The following RPS18 variants were observed in gnomAD, a reference collection of about 807,000 sequenced individuals.
The protein encoded by RPS18 is ribosomal protein S18, also known as small ribosomal subunit protein uS13.
For synonymous variants in RPS18, 64 were observed against 70.9 expected (o/e 0.90, Z 0.49); for missense variants, 49 against 200.8 (o/e 0.24, Z 4.57).
intron 2 of RPS18, chr6:33,275,530 C>T (rs902954642): frequency 2.1e-6 from 1 of 472,930 alleles, no homozygotes; most frequent in Non-Finnish European, 3.8e-6. Context: ...GTTGGCCAGG[C>T]TGGTTTTGAA....
chr6:33,276,321 C>T, intron 5 of RPS18, 54 bp downstream of exon 5: 5 of 1,603,394 alleles, frequency 3.1e-6, no homozygotes, highest in South Asian at 1.1e-5. Context: ...TCCTCCTACT[C>T]GCTCTTCTTT....
In RPS18 at chr6:33,275,815, G is replaced by T. The variant is rs573100608; in HGVS notation, c.121G>T (p.Ala41Ser). 47 of 1,612,104 alleles carry T rather than the reference G, an allele frequency of 2.9e-5. No homozygotes were observed. The Admixed American group carries it at 4.5e-4, about 15-fold the overall frequency. The change falls in exon 3 of 6, where the codon GCT becomes TCT. Residue 41 changes from alanine (A) to serine (S), a missense_variant. Physicochemically the swap from Ala to Ser is moderately conservative, Grantham distance 99 (BLOSUM62 1). Transcript: ENST00000439602. ...CATTCAGGGTGTGGGCCGAAGATAT[G>T]CTCATGTGGTGTTGAGGAAAGCAGA... ...TAIKGVGRRY[A>S]HVVLRKADID...
At chr6:33,275,942 T>G in intron 3 of RPS18, 23 bp from the exon 4 acceptor site, 4 of 1,611,138 alleles carry the variant, frequency 2.5e-6, no homozygotes, top group Non-Finnish European at 1.7e-6. Context: ...TCCATCTAGA[T>G]CTGACCTTGG....
chr6:33,272,118 C>G lies in RPS18; in HGVS notation c.-2C>G, dbSNP rs777306073. The G allele has an allele frequency of 3.8e-6, 6 of 1,567,944 alleles. No homozygotes were observed. The African/African-American group carries it at 5.4e-5, about 14-fold the overall frequency. ...CTACACGCCGCCGCTTGTGCTGCAG[C>G]CATGGTAAGACTGGAATCCGTGCCG... is the stretch of plus-strand genomic sequence containing the variant. On this transcript the variant is annotated 5_prime_UTR_variant, in exon 1 of 6. Coordinates refer to ENST00000439602, the MANE Select transcript of RPS18 (RefSeq NM_022551.3).
At position 33,274,553 on chromosome 6, in the gene RPS18, TC is replaced by T. The variant is rs570724545; in HGVS notation, c.103-1243del. 1.3e-4 allele frequency among the ~76,000 whole-genome samples: 20 copies of T among 152,354 alleles called. No homozygotes were observed. The South Asian group carries it at 2.5e-3, about 19-fold the overall frequency. ...TTTCCTGGAGCCTACTGTAACAAGT[TC>T]ATATAAACTAAGCAGAAAATTACTC... On this transcript the variant is annotated intron_variant, in intron 2 of 5. Coordinates refer to ENST00000439602, the MANE Select transcript of RPS18 (RefSeq NM_022551.3).
At chr6:33,275,212 A>G (rs1370641788) in intron 2 of RPS18, 4 of 154,616 alleles carry the variant, frequency 2.6e-5, no homozygotes, top group Non-Finnish European at 5.8e-5. Flanking sequence ...ACTTAGTGAC[A>G]ACTACATATG....
chr6:33,274,989 A>T (rs1009982903), intron 2 of RPS18, among the ~76,000 whole-genome samples: 1 of 152,200 alleles, frequency 6.6e-6, no homozygotes, highest in Non-Finnish European at 1.5e-5. Context: ...TTGGGCAGTC[A>T]GTTCTGGGCA....
At position 33,275,763 on chromosome 6, in the gene RPS18, C is replaced by G. The variant is rs200685967; in HGVS notation, c.103-34C>G. The G allele has an allele frequency of 3.0e-6, 4 of 1,351,498 alleles. No individual in the cohort carries two copies. In the African/African-American group the frequency reaches 4.3e-5, roughly 15 times the overall value. 83.7% of individuals were successfully genotyped at this position (1,351,498 alleles called of 1,614,324 possible). A position where few individuals can be genotyped will look rare whatever the true frequency, so the allele number is the denominator to read the frequency against. ...TATAAAGGAATTTAAAAATCAGATTCAACACTAATTCCGAAACCCCTCACT... is the reference window on the plus strand; with the variant it reads ...TATAAAGGAATTTAAAAATCAGATTGAACACTAATTCCGAAACCCCTCACT... On this transcript the variant is annotated intron_variant, in intron 2 of 5. Transcript: ENST00000439602.
chr6:33,274,063 T>C (rs1733488781), intron 2 of RPS18, among the ~76,000 whole-genome samples: 1 of 152,168 alleles, frequency 6.6e-6, no homozygotes, highest in African/African-American at 2.4e-5. Context: ...GTAGCTGAGA[T>C]TACAGGCACA....
intron 2 of RPS18, 154 bp from the exon 3 acceptor site, chr6:33,275,643 T>A: frequency 1.4e-6 from 1 of 697,120 alleles, no homozygotes; most frequent in Non-Finnish European, 2.6e-6. Flanking sequence ...TGTCGAACGG[T>A]TTATATCTGG....
At chr6:33,274,455 C>T (rs1249980341) in intron 2 of RPS18, among the ~76,000 whole-genome samples, 2 of 152,186 alleles carry the variant, frequency 1.3e-5, no homozygotes, top group African/African-American at 4.8e-5. Context: ...GGATTACAGG[C>T]ATATAGGCAT....
At chr6:33,275,909 G>A in intron 3 of RPS18, 26 bp downstream of exon 3, 2 of 1,603,024 alleles carry the variant, frequency 1.2e-6, no homozygotes, top group Non-Finnish European at 1.7e-6. Context: ...GGGGCTGGGG[G>A]TGGGGTCAGC....
chr6:33,274,380 T>C (rs1005788768), intron 2 of RPS18, among the ~76,000 whole-genome samples: 2 of 152,188 alleles, frequency 1.3e-5, no homozygotes, highest in Non-Finnish European at 2.9e-5. Context: ...TCTTGCTGTG[T>C]TGTCCAGGCT....
At chr6:33,275,753 A>G in intron 2 of RPS18, 44 bp from the exon 3 acceptor site, 1 of 1,271,332 alleles carries the variant, frequency 7.9e-7, no homozygotes, top group African/African-American at 1.5e-5. Flanking sequence ...AGGAATTTAA[A>G]AATCAGATTC....
intron 2 of RPS18, chr6:33,275,572 G>A: frequency 1.8e-6 from 1 of 570,908 alleles, no homozygotes; most frequent in Non-Finnish European, 3.1e-6. Flanking sequence ...GCCCACTTGG[G>A]CCTCCCAAAG....
chr6:33,275,357 C>T lies in RPS18; in HGVS notation c.103-440C>T, dbSNP rs1029498750. 4.7e-5 allele frequency: 8 copies of T among 171,722 alleles called. 1 individual carries two copies. Among genetic ancestry groups the T allele is most frequent in the Middle Eastern group, 5.3e-3 (2 of 378 alleles). The allele number at this position is 171,722 out of a possible 1,614,324, so 10.6% of individuals were successfully genotyped here. ...TTTTTTTGAGACGGGGTCTCACTGT[C>T]GCCCAGGTTAGAGTGTGGTTGCGTG... On this transcript the variant is annotated intron_variant, in intron 2 of 5. Coordinates refer to ENST00000439602, the MANE Select transcript of RPS18 (RefSeq NM_022551.3).
chr6:33,275,290 G>A (rs1309696311), intron 2 of RPS18: 1 of 161,244 alleles, frequency 6.2e-6, no homozygotes. Context: ...TAAATTCTGT[G>A]TTCATGATTC....
intron 2 of RPS18, chr6:33,275,522 TG>T: frequency 2.2e-6 from 1 of 453,398 alleles, no homozygotes; most frequent in Non-Finnish European, 4.0e-6. Context: ...TTCACCATGT[TG>T]GCCAGGCTGG....
chr6:33,274,254 G>T (rs1765484555), intron 2 of RPS18, among the ~76,000 whole-genome samples: 1 of 152,150 alleles, frequency 6.6e-6, no homozygotes, highest in East Asian at 1.9e-4. Flanking sequence ...AGGCTGGAGT[G>T]GCGGAATCAC....
Sources: allele counts gnomAD v4.1 joint callset (sites outside exome capture counted in the v4.1 genomes callset), GRCh38; gene constraint gnomAD v4.1.1; transcripts MANE v1.5; gene names NCBI Gene and HGNC (gene_info 2026-07-23, HGNC 2026-07-21).